SNX30: variants seen among roughly 807,000 people sequenced by gnomAD.
SNX30 encodes the protein sorting nexin-30.
Under a neutral mutation model 46.4 loss-of-function variants are expected in SNX30, and 24 were observed. The observed-to-expected ratio is 0.52, with a 90% CI of 0.37 to 0.73. The LOEUF (loss-of-function observed/expected upper bound fraction) is 0.73. Among genes scored for constraint, SNX30 ranks in the 30% least tolerant of loss-of-function variants. The probability of loss-of-function intolerance (pLI) is 0.00; values close to 1 mark genes in which losing one functional copy is unlikely to be tolerated. For synonymous variants in SNX30, 189 were observed against 211.5 expected (o/e 0.89, Z 0.92); for missense variants, 533 against 555.7 (o/e 0.96, Z 0.41).
chr9:112,814,399 C>G (rs138827915), intron 2 of SNX30, among the ~76,000 whole-genome samples: 1,797 of 152,138 alleles, frequency 0.012, 35 homozygotes, highest in African/African-American at 0.042. Context: ...TGCCACCATG[C>G]CCGGCTAATT....
In SNX30 at chr9:112,783,912, G is replaced by A. The variant is rs1024763814; in HGVS notation, c.157-20864G>A. Among the ~76,000 whole-genome samples the A allele has an allele frequency of 2.6e-5, 4 of 152,202 alleles. No homozygotes were observed. In the East Asian group the frequency reaches 5.8e-4, roughly 22 times the overall value. On this transcript the variant is annotated intron_variant, in intron 1 of 8. Transcript: ENST00000374232. ...AAGAATATGTTAAGGTGTACCCAGTGACCTTGGCTTGAGCCTTTGCTGAAC... is the reference window on the plus strand; with the variant it reads ...AAGAATATGTTAAGGTGTACCCAGTAACCTTGGCTTGAGCCTTTGCTGAAC...
chr9:112,758,671 C>T (rs1253758036), intron 1 of SNX30, among the ~76,000 whole-genome samples: 1 of 152,174 alleles, frequency 6.6e-6, no homozygotes, highest in East Asian at 1.9e-4. Flanking sequence ...GCTGAGGTTA[C>T]AGTTGTGAGC....
chr9:112,804,674 T>G (rs1322433479), intron 1 of SNX30, 102 bp from the exon 2 acceptor site: 1 of 1,014,768 alleles, frequency 9.9e-7, no homozygotes, highest in Non-Finnish European at 1.4e-6. Context: ...AAGTTATTTT[T>G]GGGTTTTAGA....
intron 7 of SNX30, among the ~76,000 whole-genome samples, chr9:112,857,316 A>G (rs1205245895): frequency 6.6e-6 from 1 of 152,136 alleles, no homozygotes; most frequent in African/African-American, 2.4e-5. Flanking sequence ...TATTTGCCCA[A>G]TTCCATGGCC....
At chr9:112,832,457 A>AGT (rs1840676573) in intron 4 of SNX30, among the ~76,000 whole-genome samples, 3 of 112,398 alleles carry the variant, frequency 2.7e-5, no homozygotes, top group Admixed American at 9.5e-5. Context: ...AGAGAGAGAG[A>AGT]GAGTGTGTGT....
chr9:112,838,508 G>A lies in SNX30; in HGVS notation c.825G>A (p.Val275=), dbSNP rs765200424. ...CTGTTCCCTGTTCAGAGTACCTTGTGGAGCTGAGAGAATACGGGCCTGTGT... is the reference window on the plus strand; with the variant it reads ...CTGTTCCCTGTTCAGAGTACCTTGTAGAGCTGAGAGAATACGGGCCTGTGT... ...RIIKEEIEYL[V]ELREYGPVYS... Residue 275 remains valine (V), a synonymous_variant, in exon 6 of 9, where the codon GTG becomes GTA. Transcript: ENST00000374232. 6.2e-7 allele frequency: 1 copy of A among 1,611,500 alleles called. No homozygotes were observed. Among genetic ancestry groups the A allele is most frequent in the East Asian group, 2.2e-5 (1 of 44,820 alleles).
At chr9:112,832,537 G>A (rs1380934249) in intron 4 of SNX30, among the ~76,000 whole-genome samples, 1 of 136,888 alleles carries the variant, frequency 7.3e-6, no homozygotes, top group Non-Finnish European at 1.5e-5. Context: ...TGTGGGCCAG[G>A]CAGTATGAAA....
intron 4 of SNX30, among the ~76,000 whole-genome samples, chr9:112,831,588 G>A (rs1270190487): frequency 3.3e-5 from 5 of 152,208 alleles, no homozygotes; most frequent in African/African-American, 1.2e-4. Context: ...TTCAGGTAGC[G>A]TCACTAGGAT....
downstream of SNX30, among the ~76,000 whole-genome samples, chr9:112,884,930 A>G (rs1279263946): frequency 6.6e-6 from 1 of 152,214 alleles, no homozygotes; most frequent in Non-Finnish European, 1.5e-5. Context: ...TCATTTGGCC[A>G]GAGGCTGGGA....
intron 3 of SNX30, among the ~76,000 whole-genome samples, chr9:112,826,972 A>AC (rs1248146489): frequency 6.6e-6 from 1 of 152,196 alleles, no homozygotes; most frequent in East Asian, 1.9e-4. Flanking sequence ...TGGGTGTCAC[A>AC]CGTGGACATG....
chr9:112,883,208 G>A (rs961361611), downstream of SNX30, among the ~76,000 whole-genome samples: 9 of 152,152 alleles, frequency 5.9e-5, no homozygotes, highest in African/African-American at 2.2e-4. Context: ...GTGCAGACCT[G>A]CCTTGGGATA....
intron 1 of SNX30, among the ~76,000 whole-genome samples, chr9:112,762,248 A>G (rs1472713963): frequency 6.6e-6 from 1 of 151,618 alleles, no homozygotes; most frequent in Admixed American, 6.6e-5. Context: ...GTGGGGGGGA[A>G]GTGGGATAGT....
At chr9:112,760,279 C>A (rs1371051078) in intron 1 of SNX30, among the ~76,000 whole-genome samples, 1 of 152,076 alleles carries the variant, frequency 6.6e-6, no homozygotes. Flanking sequence ...GAGCTGGGAC[C>A]TTAGAGGAAG....
At chr9:112,782,514 A>G (rs1353033251) in intron 1 of SNX30, among the ~76,000 whole-genome samples, 3 of 152,248 alleles carry the variant, frequency 2.0e-5, no homozygotes, top group African/African-American at 2.4e-5. Context: ...GACCCCTGGT[A>G]TAAATCATCA....
chr9:112,796,084 C>T (rs963115392), intron 1 of SNX30, among the ~76,000 whole-genome samples: 14 of 152,166 alleles, frequency 9.2e-5, no homozygotes, highest in African/African-American at 3.1e-4. Context: ...TTCCTGAGAA[C>T]TGGTCCCTCG....
chr9:112,838,467 A>C (rs775703163), intron 5 of SNX30, 31 bp from the exon 6 acceptor site: 1 of 1,576,664 alleles, frequency 6.3e-7, no homozygotes, highest in Admixed American at 1.8e-5. Context: ...CTACCCAGCC[A>C]GATTTTAATT....
At chr9:112,778,331 G>A (rs1261723666) in intron 1 of SNX30, among the ~76,000 whole-genome samples, 1 of 145,514 alleles carries the variant, frequency 6.9e-6, no homozygotes, top group African/African-American at 2.5e-5. Context: ...GGAGTACAGT[G>A]GTGCGATCCC....
chr9:112,811,659 C>G, intron 2 of SNX30, among the ~76,000 whole-genome samples: 1 of 152,314 alleles, frequency 6.6e-6, no homozygotes, highest in Admixed American at 6.5e-5. Context: ...GCCTTCTTGA[C>G]TATGATTCTT....
At chr9:112,856,627 C>T (rs4979168) in intron 7 of SNX30, 121,100 of 151,960 alleles carry the variant, frequency 0.8, 48,418 homozygotes, top group South Asian at 0.87. Context: ...AGGCTGTAGA[C>T]CTTGGACAGC....
Sources: allele counts gnomAD v4.1 joint callset (sites outside exome capture counted in the v4.1 genomes callset), GRCh38; gene constraint gnomAD v4.1.1; transcripts MANE v1.5; gene names NCBI Gene and HGNC (gene_info 2026-07-23, HGNC 2026-07-21).